Variants in LARP7 observed in about 807,000 individuals in gnomAD.
LARP7 encodes la-related protein 7.
Under a neutral mutation model 69.3 loss-of-function variants are expected in LARP7, and 52 were observed. The observed-to-expected ratio is 0.75, with a 90% CI of 0.60 to 0.95. The LOEUF (loss-of-function observed/expected upper bound fraction) is 0.95, where lower values mean the gene tolerates loss of function less well. LARP7 is among the 40% of genes least tolerant of loss of function. The pLI is 0.00. For missense variants in LARP7, 733 were observed against 673.0 expected, an observed-to-expected ratio of 1.09 and a Z score of -0.99; for synonymous variants, 254 against 215.9, an observed-to-expected ratio of 1.18 and a Z score of -1.55.
chr4:112,645,788 A>G (rs1416215620), intron 2 of LARP7: 1 of 348,856 alleles, frequency 2.9e-6, no homozygotes, highest in Non-Finnish European at 5.6e-6. Flanking sequence ...AATTGCTGAG[A>G]TAAGAAGCAT....
intron 9 of LARP7, chr4:112,650,197 G>A (rs1242235862): frequency 3.5e-6 from 1 of 285,162 alleles, no homozygotes; most frequent in African/African-American, 2.2e-5. Context: ...TTTGTTCAGG[G>A]AGAAGGGGCA....
rs368129775 is a variant in LARP7 at position 112,646,955 on chromosome 4, G to GGTAA, written c.552+3_552+6dup. On this transcript the variant is annotated frameshift_variant and splice_region_variant. Coordinates refer to ENST00000344442, the MANE Select transcript of LARP7 (RefSeq NM_016648.4). LOFTEE classifies it high-confidence loss of function. ...AAGAACAAGCAGCAAAAGCAATTGA[G>GGTAA]GTAAGTCCAGATCCTAAAAAAAAAA... The GGTAA allele has an allele frequency of 1.3e-6, 2 of 1,595,372 alleles. No homozygotes were observed. Among genetic ancestry groups the GGTAA allele is most frequent in the African/African-American group, 2.8e-5 (2 of 72,550 alleles).
At chr4:112,639,397 T>A (rs2047865561) in intron 1 of LARP7, among the ~76,000 whole-genome samples, 1 of 151,806 alleles carries the variant, frequency 6.6e-6, no homozygotes. Flanking sequence ...TTCTTTTTTC[T>A]TTTTTTGTAT....
chr4:112,640,630 G>A (rs901743477), intron 1 of LARP7, among the ~76,000 whole-genome samples: 64 of 152,304 alleles, frequency 4.2e-4, no homozygotes, highest in Middle Eastern at 6.8e-3. Flanking sequence ...AACCTGTGAG[G>A]CAGAAGTTGT....
chr4:112,638,078 T>G (rs2047765827), intron 1 of LARP7: 1 of 152,308 alleles, frequency 6.6e-6, no homozygotes, highest in South Asian at 2.1e-4. Context: ...GGAGGATCAC[T>G]TGAGGTCAGG....
intron 8 of LARP7, chr4:112,648,389 C>T (rs754566437): frequency 1.9e-6 from 1 of 534,210 alleles, no homozygotes; most frequent in South Asian, 1.4e-5. Flanking sequence ...GAAGCACTTA[C>T]TTTTGTTTCA....
chr4:112,639,130 T>C (rs1288448623), intron 1 of LARP7, among the ~76,000 whole-genome samples: 1 of 152,190 alleles, frequency 6.6e-6, no homozygotes, highest in East Asian at 1.9e-4. Flanking sequence ...ATTGTGAGGA[T>C]TTACAAAAGT....
At chr4:112,646,270 G>T (rs956143536) in intron 2 of LARP7, 81 bp from the exon 3 acceptor site, 3 of 682,178 alleles carry the variant, frequency 4.4e-6, no homozygotes, top group Non-Finnish European at 4.9e-6. Context: ...GAGCCTGAGG[G>T]CCTGAGGGGC....
chr4:112,643,300 G>A (rs796312164), intron 1 of LARP7, among the ~76,000 whole-genome samples: 1 of 152,182 alleles, frequency 6.6e-6, no homozygotes, highest in Non-Finnish European at 1.5e-5. Context: ...GGAGGGGACC[G>A]CACTGAGGTG....
chr4:112,647,586 A>AATTTTAATTAATTAG (rs370622429), intron 7 of LARP7, 37 bp downstream of exon 7: 5 of 1,245,120 alleles, frequency 4.0e-6, no homozygotes, highest in Non-Finnish European at 5.5e-6. Flanking sequence ...AAAACTAATT[A>AATTTTAATTAATTAG]ATTTTAATTA....
At chr4:112,651,682 A>G (rs1267534367) in intron 10 of LARP7, among the ~76,000 whole-genome samples, 1 of 152,188 alleles carries the variant, frequency 6.6e-6, no homozygotes, top group Admixed American at 6.5e-5. Flanking sequence ...TTGCTGAAAC[A>G]AAAACTGAGC....
intron 2 of LARP7, 71 bp downstream of exon 2, chr4:112,644,942 A>ATT (rs1554010533): frequency 1.1e-4 from 25 of 235,784 alleles, no homozygotes; most frequent in South Asian, 2.1e-4. Flanking sequence ...AAAATAATAT[A>ATT]TTCTTTTTTT....
intron 2 of LARP7, 69 bp from the exon 3 acceptor site, chr4:112,646,281 AG>A: frequency 1.3e-6 from 1 of 757,514 alleles, no homozygotes; most frequent in Non-Finnish European, 2.2e-6. Context: ...CCTGAGGGGC[AG>A]GTTAAATTGT....
Position 112,646,447 on chromosome 4 carries a change from T to C in LARP7, c.299T>C (p.Val100Ala). The change falls in exon 3 of 13, where the codon GTA becomes GCA. Residue 100 changes from valine (V) to alanine (A), a missense_variant. Physicochemically the swap from Val to Ala is moderately conservative, Grantham distance 64. Coordinates refer to ENST00000344442, the MANE Select transcript of LARP7 (RefSeq NM_016648.4). ...AGAGCATTGAGAAGTTCAGCTGTTG[T>C]AGAGGTAAGAATCAAGAATAACTAC... is the stretch of plus-strand genomic sequence containing the variant. ...IARALRSSAV[V>A]ELDLEGTRIR... 6.4e-7 allele frequency: 1 copy of C among 1,573,874 alleles called. No homozygotes were observed. Among genetic ancestry groups the C allele is most frequent in the Non-Finnish European group, 8.7e-7 (1 of 1,146,962 alleles).
chr4:112,648,558 C>G (rs575331343), intron 8 of LARP7: 1 of 522,580 alleles, frequency 1.9e-6, no homozygotes, highest in South Asian at 1.4e-5. Flanking sequence ...TGAAGGGAGC[C>G]CACCCAACAT....
At chr4:112,643,962 G>C (rs1040400229) in intron 1 of LARP7, among the ~76,000 whole-genome samples, 10 of 152,054 alleles carry the variant, frequency 6.6e-5, no homozygotes, top group Non-Finnish European at 1.2e-4. Context: ...AATCAAAATT[G>C]CCAGGCGCGG....
chr4:112,657,298 A>G lies in LARP7; in HGVS notation c.1720A>G (p.Lys574Glu), dbSNP rs1283172356. 2 of 1,593,728 alleles carry G rather than the reference A, an allele frequency of 1.3e-6. No homozygotes were observed. Among genetic ancestry groups the G allele is most frequent in the East Asian group, 2.2e-5 (1 of 44,502 alleles). ...ACTGGCAAAGACTCAACAAGCGAGT[A>G]AACATATAAGATTTTCTGAATATGA... ...IRLAKTQQAS[K>E]HIRFSEYD Residue 574 changes from lysine to glutamate, a missense_variant, in exon 13 of 13, where the codon AAA becomes GAA. Physicochemically the swap from Lys to Glu is moderately conservative, Grantham distance 56. Coordinates refer to ENST00000344442, the MANE Select transcript of LARP7 (RefSeq NM_016648.4).
At position 112,652,303 on chromosome 4, in the gene LARP7, C is replaced by G. The variant is rs576492810; in HGVS notation, c.1417-774C>G. On this transcript the variant is annotated intron_variant, in intron 10 of 12. Transcript: ENST00000344442. The stretch of plus-strand genomic sequence containing the variant: ...AAGATAAATAAGATTTCCCCCCCCC[C>G]CCCATTTAGCAATCTCCAGTTACTT... Among the ~76,000 whole-genome samples the G allele has an allele frequency of 9.1e-5, 13 of 143,046 alleles. No individual in the cohort carries two copies. The East Asian group carries it at 1.4e-3, about 15-fold the overall frequency. 93.8% of individuals were successfully genotyped at this position (143,046 alleles called of 152,430 possible).
At position 112,647,811 on chromosome 4, in the gene LARP7, TATACCATTAA is replaced by T. The variant is rs776404304; in HGVS notation, c.1120_1129del (p.Ile374GlufsTer11). 1 of 1,590,392 alleles carries T rather than the reference TATACCATTAA, an allele frequency of 6.3e-7. No homozygotes were observed. The highest frequency in any genetic ancestry group is 8.6e-7 in the Non-Finnish European group (1 of 1,165,154). On this transcript the variant is annotated frameshift_variant, in exon 8 of 13. Coordinates refer to ENST00000344442, the MANE Select transcript of LARP7 (RefSeq NM_016648.4). LOFTEE classifies it high-confidence loss of function. ...AGAGACATAAAATGGGAGAAGAAGT[TATACCATTAA>T]GAGTGCTATCAAAGTAAGTCTGTGG...
Sources: gnomAD v4.1 joint callset for allele counts (sites outside exome capture counted in the v4.1 genomes callset) on GRCh38, gnomAD v4.1.1 for gene constraint, MANE v1.5 for transcripts, NCBI Gene and HGNC (gene_info 2026-07-23, HGNC 2026-07-21) for gene names.